ABHD3: variants seen among roughly 807,000 people sequenced by gnomAD.
The protein encoded by ABHD3 is phospholipase ABHD3.
In ABHD3, 46 loss-of-function variants were observed where a neutral mutation model predicts 48.8. The observed-to-expected ratio is 0.94, with a 90% CI of 0.74 to 1.20. The LOEUF (loss-of-function observed/expected upper bound fraction) is 1.20. Ranked by LOEUF, ABHD3 falls within the 50% of genes most tolerant of loss-of-function variation. The probability of loss-of-function intolerance (pLI) is 0.00; values close to 1 mark genes in which losing one functional copy is unlikely to be tolerated. For synonymous variants in ABHD3, 192 were observed against 183.7 expected (o/e 1.04, Z -0.36); for missense variants, 490 against 497.8 (o/e 0.98, Z 0.15).
intron 3 of ABHD3, chr18:21,701,779 T>C (rs1258558316): frequency 7.2e-5 from 11 of 152,348 alleles, no homozygotes; most frequent in African/African-American, 2.6e-4. Context: ...AGAAAAGCTG[T>C]GGCATCAACA....
chr18:21,663,866 C>T (rs1443511213), intron 5 of ABHD3: 1 of 1,477,034 alleles, frequency 6.8e-7, no homozygotes, highest in African/African-American at 1.4e-5. Context: ...ACTTCATGGG[C>T]TTCAGACAAA....
At chr18:21,660,305 T>C (rs142019787) in intron 5 of ABHD3, among the ~76,000 whole-genome samples, 1 of 152,006 alleles carries the variant, frequency 6.6e-6, no homozygotes, top group Admixed American at 6.6e-5. Context: ...CAAGGATCCT[T>C]GCACCCTGTG....
intron 3 of ABHD3, among the ~76,000 whole-genome samples, chr18:21,696,367 T>A (rs1043107723): frequency 6.6e-6 from 1 of 152,138 alleles, no homozygotes; most frequent in Non-Finnish European, 1.5e-5. Context: ...GCTAGGATGG[T>A]CTCACTCTCC....
chr18:21,651,454 G>T lies in ABHD3; in HGVS notation c.*137C>A. 1 of 931,516 alleles carries T rather than the reference G, an allele frequency of 1.1e-6. No homozygotes were observed. Among genetic ancestry groups the T allele is most frequent in the Non-Finnish European group, 1.5e-6 (1 of 648,452 alleles). 57.7% of individuals were successfully genotyped at this position (931,516 alleles called of 1,614,324 possible). ...AGTTGTTTTGTTTCTCTAAAAAGTA[G>T]TTTTTGCATATCATTCTGGACCTCT... On this transcript the variant is annotated 3_prime_UTR_variant, in exon 9 of 9. Transcript: ENST00000289119.
intron 5 of ABHD3, among the ~76,000 whole-genome samples, chr18:21,662,960 G>C (rs1489437843): frequency 2.6e-5 from 4 of 152,170 alleles, no homozygotes. Flanking sequence ...CACATTATGG[G>C]GGAAAGGAAA....
At chr18:21,661,456 C>A (rs2510531) in intron 5 of ABHD3, among the ~76,000 whole-genome samples, 1 of 151,882 alleles carries the variant, frequency 6.6e-6, no homozygotes, top group African/African-American at 2.4e-5. Context: ...CATAGCAAAA[C>A]CCCCTCTCTA....
At chr18:21,697,540 C>T (rs538327478) in intron 3 of ABHD3, among the ~76,000 whole-genome samples, 5 of 152,186 alleles carry the variant, frequency 3.3e-5, no homozygotes, top group East Asian at 3.9e-4. Flanking sequence ...CCATGATGCC[C>T]GGCTAATTGT....
Position 21,651,729 on chromosome 18 carries a change from A to T in ABHD3, c.1092T>A (p.Asn364Lys). Residue 364 changes from asparagine to lysine, a missense_variant, in exon 9 of 9, where the codon AAT becomes AAA. Coordinates refer to ENST00000289119, the MANE Select transcript of ABHD3 (RefSeq NM_138340.5). ...IPIETAKQNPNVALVLTSYGG... is the reference protein window; with the variant it reads ...IPIETAKQNPKVALVLTSYGG... The stretch of plus-strand genomic sequence containing the variant: ...CATAAGAAGTAAGGACCAAAGCAAC[A>T]TTAGGATTTTGCTTAGCAGTTTCTA... The T allele has an allele frequency of 1.3e-6, 2 of 1,594,992 alleles. No homozygotes were observed. Among genetic ancestry groups the T allele is most frequent in the Non-Finnish European group, 1.7e-6 (2 of 1,169,980 alleles).
intron 4 of ABHD3, among the ~76,000 whole-genome samples, chr18:21,673,864 T>C (rs916075961): frequency 6.6e-6 from 1 of 152,092 alleles, no homozygotes; most frequent in African/African-American, 2.4e-5. Flanking sequence ...CCTCGGCCTC[T>C]CAAGTGCTGG....
chr18:21,687,426 C>T lies in ABHD3; in HGVS notation c.510-3461G>A, dbSNP rs185592830. On this transcript the variant is annotated intron_variant, in intron 3 of 8. Coordinates refer to ENST00000289119, the MANE Select transcript of ABHD3 (RefSeq NM_138340.5). ...CAGGGTTTCACCGTGTTAGCCAGGA[C>T]GGTCTCGATTTCCTGACCTCGTGAT... Among the ~76,000 whole-genome samples the T allele has an allele frequency of 9.5e-4, 144 of 152,006 alleles. 1 individual carries two copies. Among genetic ancestry groups the T allele is most frequent in the East Asian group, 4.1e-3 (21 of 5,166 alleles).
intron 8 of ABHD3, among the ~76,000 whole-genome samples, chr18:21,654,077 C>A (rs1464332834): frequency 6.6e-6 from 1 of 151,718 alleles, no homozygotes; most frequent in African/African-American, 2.4e-5. Flanking sequence ...GTCTTGAACT[C>A]CTGACTTCAG....
At chr18:21,668,217 A>AAAAAAAAAAAAAAAAG (rs1370034550) in intron 4 of ABHD3, among the ~76,000 whole-genome samples, 1 of 137,566 alleles carries the variant, frequency 7.3e-6, no homozygotes, top group African/African-American at 2.7e-5. Flanking sequence ...AAAAAAAAAA[A>AAAAAAAAAAAAAAAAG]AAAGAAAGAA....
At chr18:21,652,700 G>A (rs182966076) in intron 8 of ABHD3, among the ~76,000 whole-genome samples, 8 of 148,482 alleles carry the variant, frequency 5.4e-5, no homozygotes, top group African/African-American at 2.0e-4. Context: ...GCTTGAACCC[G>A]GGAGGCGGAG....
intron 4 of ABHD3, among the ~76,000 whole-genome samples, chr18:21,679,011 C>A (rs564798733): frequency 2.0e-5 from 3 of 152,272 alleles, no homozygotes; most frequent in Admixed American, 2.0e-4. Context: ...ATTGCCACTC[C>A]TAGGAGAACT....
rs1432531579 is a variant in ABHD3 at position 21,664,103 on chromosome 18, A to C, written c.668+15T>G. On this transcript the variant is annotated intron_variant, in intron 5 of 8. Coordinates refer to ENST00000289119, the MANE Select transcript of ABHD3 (RefSeq NM_138340.5). ...CTTCCCTCTCAGAGATTATTTTAGA[A>C]AGGGAAAACCTTACCCTCCCATTGA... 1 of 1,598,536 alleles carries C rather than the reference A, an allele frequency of 6.3e-7. No homozygotes were observed. Among genetic ancestry groups the C allele is most frequent in the Admixed American group, 1.8e-5 (1 of 54,820 alleles).
chr18:21,651,652 A>G lies in ABHD3; in HGVS notation c.1169T>C (p.Met390Thr), dbSNP rs146199775. The G allele has an allele frequency of 3.2e-4, 510 of 1,614,106 alleles. No homozygotes were observed. Among genetic ancestry groups the G allele is most frequent in the Admixed American group, 9.8e-4 (59 of 60,014 alleles). The change falls in exon 9 of 9, where the codon ATG becomes ACG. Residue 390 changes from methionine (M) to threonine (T), a missense_variant. Physicochemically the swap from Met to Thr is moderately conservative, Grantham distance 81 (BLOSUM62 -1). Transcript: ENST00000289119. ...EGIWPRQSTY[M>T]DRVFKQFVQA... Reference sequence around the variant, plus strand: ...CACAAATTGCTTGAAGACACGATCCATGTAAGTGGACTGTCTTGGCCAGAT... The same window carrying G: ...CACAAATTGCTTGAAGACACGATCCGTGTAAGTGGACTGTCTTGGCCAGAT...
intron 3 of ABHD3, among the ~76,000 whole-genome samples, chr18:21,695,031 A>G (rs1010379518): frequency 6.6e-6 from 1 of 152,012 alleles, no homozygotes; most frequent in African/African-American, 2.4e-5. Context: ...AAATAAAGAT[A>G]TGATTTTCTT....
intron 8 of ABHD3, among the ~76,000 whole-genome samples, chr18:21,656,398 A>G (rs1046293809): frequency 2.6e-5 from 4 of 152,188 alleles, no homozygotes; most frequent in African/African-American, 4.8e-5. Flanking sequence ...CTCTTTAAAT[A>G]TGACCTTCTA....
intron 4 of ABHD3, among the ~76,000 whole-genome samples, chr18:21,672,274 T>C (rs909922275): frequency 1.3e-5 from 2 of 152,178 alleles, no homozygotes; most frequent in African/African-American, 4.8e-5. Flanking sequence ...TAGCTATTCT[T>C]GGAGGAGATT....
Sources: allele counts gnomAD v4.1 joint callset (sites outside exome capture counted in the v4.1 genomes callset), GRCh38; gene constraint gnomAD v4.1.1; transcripts MANE v1.5; gene names NCBI Gene and HGNC (gene_info 2026-07-23, HGNC 2026-07-21).